The following MRAS variants were observed in gnomAD, a reference collection of about 807,000 sequenced individuals.
MRAS encodes muscle RAS oncogene homolog.
MRAS carries 4 observed loss-of-function variants against 20.9 expected under a neutral mutation model. The observed-to-expected ratio is 0.19, with a 90% CI of 0.09 to 0.44. MRAS has a LOEUF of 0.44. MRAS is among the 20% of genes least tolerant of loss of function. The probability of loss-of-function intolerance (pLI) is 0.99; values close to 1 mark genes in which losing one functional copy is unlikely to be tolerated. For synonymous variants in MRAS, 98 were observed against 102.9 expected (o/e 0.95, Z 0.29); for missense variants, 154 against 277.5 (o/e 0.56, Z 3.16).
At chr3:138,356,622 A>G (rs2054339844) in intron 1 of MRAS, among the ~76,000 whole-genome samples, 1 of 152,220 alleles carries the variant, frequency 6.6e-6, no homozygotes, top group Non-Finnish European at 1.5e-5. Context: ...CTGCTTTATT[A>G]TAACCAGAGA....
intron 2 of MRAS, among the ~76,000 whole-genome samples, chr3:138,376,302 A>C (rs1480364203): frequency 6.6e-6 from 1 of 152,198 alleles, no homozygotes; most frequent in Non-Finnish European, 1.5e-5. Context: ...CATTGACACT[A>C]GTATCCACCC....
chr3:138,373,545 T>C (rs2054718273), intron 2 of MRAS, among the ~76,000 whole-genome samples: 1 of 152,212 alleles, frequency 6.6e-6, no homozygotes, highest in African/African-American at 2.4e-5. Flanking sequence ...AGGCCAGCAG[T>C]AGCCGCAGCA....
chr3:138,382,492 C>T (rs1425275089), intron 2 of MRAS, among the ~76,000 whole-genome samples: 1 of 152,190 alleles, frequency 6.6e-6, no homozygotes, highest in Non-Finnish European at 1.5e-5. Flanking sequence ...AGCCAGTGTA[C>T]CTCAGTACTG....
intron 1 of MRAS, among the ~76,000 whole-genome samples, chr3:138,365,231 T>C (rs1196651573): frequency 1.3e-5 from 2 of 152,264 alleles, no homozygotes; most frequent in Non-Finnish European, 2.9e-5. Context: ...TTACCTTAAA[T>C]GTTCCTATTG....
intron 2 of MRAS, among the ~76,000 whole-genome samples, chr3:138,391,826 A>G (rs2055137359): frequency 6.6e-6 from 1 of 152,246 alleles, no homozygotes; most frequent in Non-Finnish European, 1.5e-5. Context: ...TATATGGCCA[A>G]ATTTCATGTA....
At chr3:138,347,977 A>C (rs547563600), upstream of MRAS, 11 of 152,138 alleles carry the variant, frequency 7.2e-5, no homozygotes, top group Admixed American at 7.2e-4. Context: ...ACGCCGCTGG[A>C]GAGGAGTTAG....
At chr3:138,352,782 G>A (rs1414253385) in intron 1 of MRAS, among the ~76,000 whole-genome samples, 1 of 152,050 alleles carries the variant, frequency 6.6e-6, no homozygotes, top group African/African-American at 2.4e-5. Flanking sequence ...GCTTGTAGTG[G>A]CCAAGCAAAG....
intron 1 of MRAS, among the ~76,000 whole-genome samples, chr3:138,358,255 T>G (rs1022306136): frequency 1.3e-5 from 2 of 151,846 alleles, no homozygotes; most frequent in African/African-American, 2.4e-5. Context: ...GAGAGTCGCT[T>G]GAATCCAGGA....
At chr3:138,369,487 G>A (rs556602470) in intron 1 of MRAS, among the ~76,000 whole-genome samples, 1 of 152,262 alleles carries the variant, frequency 6.6e-6, no homozygotes, top group Admixed American at 6.5e-5. Context: ...ATAAGGGGCT[G>A]CGGCACGGGT....
chr3:138,390,152 C>T (rs1259787707), intron 2 of MRAS, among the ~76,000 whole-genome samples: 1 of 151,988 alleles, frequency 6.6e-6, no homozygotes, highest in Non-Finnish European at 1.5e-5. Context: ...GAGCCCCAGG[C>T]TGGTGCTCCT....
chr3:138,359,543 T>A (rs1376455201), intron 1 of MRAS, among the ~76,000 whole-genome samples: 1 of 152,222 alleles, frequency 6.6e-6, no homozygotes, highest in Non-Finnish European at 1.5e-5. Flanking sequence ...ACATTCTTCA[T>A]TAATGGTGTC....
intron 1 of MRAS, among the ~76,000 whole-genome samples, chr3:138,351,049 T>C (rs576540806): frequency 6.6e-6 from 1 of 151,986 alleles, no homozygotes; most frequent in South Asian, 2.1e-4. Flanking sequence ...TGGCCTCTGA[T>C]AAATTAGGCT....
At chr3:138,386,669 C>T (rs1256017440) in intron 2 of MRAS, among the ~76,000 whole-genome samples, 4 of 151,848 alleles carry the variant, frequency 2.6e-5, no homozygotes, top group Non-Finnish European at 4.4e-5. Flanking sequence ...TTTTTAGTAG[C>T]GAGGGGGTTT....
rs35120152 is a variant in MRAS, at chr3:138,379,357, CTTTTTTTT to C, written c.193+6298_193+6305del. Among the ~76,000 whole-genome samples the C allele has an allele frequency of 2.9e-3, 223 of 77,638 alleles. 1 individual carries two copies. Among genetic ancestry groups the C allele is most frequent in the African/African-American group, 0.011 (213 of 20,036 alleles). 50.9% of individuals were successfully genotyped at this position (77,638 alleles called of 152,430 possible). A position where few individuals can be genotyped will look rare whatever the true frequency, so the allele number is the denominator to read the frequency against. ...CATGTTGCTGCAAATGACAGAATGTCTTTTTTTTTTTTTTTTTTTTTTTTGAGACGGAG... is the reference window on the plus strand; with the variant it reads ...CATGTTGCTGCAAATGACAGAATGTCTTTTTTTTTTTTTTTTGAGACGGAG... On this transcript the variant is annotated intron_variant, in intron 2 of 5. Transcript: ENST00000423968.
intron 1 of MRAS, among the ~76,000 whole-genome samples, chr3:138,370,183 G>A (rs1309642820): frequency 6.6e-6 from 1 of 152,174 alleles, no homozygotes; most frequent in Non-Finnish European, 1.5e-5. Flanking sequence ...GCCAGGCATG[G>A]TGGTGGGCGC....
At chr3:138,401,833 A>G (rs1353540968) in intron 5 of MRAS, among the ~76,000 whole-genome samples, 1 of 152,242 alleles carries the variant, frequency 6.6e-6, no homozygotes, top group Non-Finnish European at 1.5e-5. Flanking sequence ...ACACAGGAAT[A>G]GAGGCCAGCA....
chr3:138,382,387 C>T (rs1010394547), intron 2 of MRAS, among the ~76,000 whole-genome samples: 1 of 152,208 alleles, frequency 6.6e-6, no homozygotes, highest in Non-Finnish European at 1.5e-5. Flanking sequence ...AGGGCTTTTA[C>T]AAGGATGCCT....
intron 2 of MRAS, among the ~76,000 whole-genome samples, chr3:138,395,048 A>T (rs926071972): frequency 8.8e-5 from 13 of 148,336 alleles, no homozygotes; most frequent in Middle Eastern, 3.5e-3. Flanking sequence ...TTTATTTTTT[A>T]TTTTTTTTTC....
intron 1 of MRAS, among the ~76,000 whole-genome samples, chr3:138,352,421 A>G (rs1303192749): frequency 6.6e-6 from 1 of 152,184 alleles, no homozygotes; most frequent in Non-Finnish European, 1.5e-5. Flanking sequence ...ATGAAGCAGC[A>G]ATGTGTATTT....
Sources: allele counts gnomAD v4.1 joint callset (sites outside exome capture counted in the v4.1 genomes callset), GRCh38; gene constraint gnomAD v4.1.1; transcripts MANE v1.5; gene names NCBI Gene and HGNC (gene_info 2026-07-23, HGNC 2026-07-21).